PTPN2: variants seen among roughly 807,000 people sequenced by gnomAD.
The protein encoded by PTPN2 is protein tyrosine phosphatase non-receptor type 2.
PTPN2 carries 19 observed loss-of-function variants against 57.3 expected under a neutral mutation model. The observed-to-expected ratio is 0.33, with a 90% confidence interval of 0.23 to 0.49. PTPN2 has a LOEUF of 0.49. PTPN2 is among the 20% of genes least tolerant of loss of function. PTPN2 has a pLI of 0.99. For missense variants in PTPN2, 358 were observed against 501.1 expected (o/e 0.71, Z 2.73); for synonymous variants, 153 against 164.9 (o/e 0.93, Z 0.55).
chr18:12,818,181 A>G (rs965632199), intron 5 of PTPN2, among the ~76,000 whole-genome samples: 24 of 152,284 alleles, frequency 1.6e-4, no homozygotes, highest in African/African-American at 5.8e-4. Flanking sequence ...ATAATTTTAC[A>G]TTCTTTAACA....
At chr18:12,818,143 C>CA (rs539869233) in intron 5 of PTPN2, among the ~76,000 whole-genome samples, 27 of 148,224 alleles carry the variant, frequency 1.8e-4, no homozygotes, top group Non-Finnish European at 2.1e-4. Context: ...ACTCCATCTT[C>CA]AAAAAAAAAA....
At chr18:12,834,104 A>G (rs899467867) in intron 3 of PTPN2, among the ~76,000 whole-genome samples, 2 of 152,308 alleles carry the variant, frequency 1.3e-5, no homozygotes, top group African/African-American at 4.8e-5. Flanking sequence ...AGACAGGTGG[A>G]TCATCTGAGG....
chr18:12,859,094 C>G, intron 2 of PTPN2, 70 bp downstream of exon 2: 2 of 1,206,708 alleles, frequency 1.7e-6, no homozygotes, highest in South Asian at 2.6e-5. Flanking sequence ...CCAAGCCCTC[C>G]TTTTCACTAC....
At chr18:12,787,446 G>T (rs1001821501), downstream of PTPN2, 3 of 152,044 alleles carry the variant, frequency 2.0e-5, no homozygotes, top group African/African-American at 7.2e-5. Flanking sequence ...GTGTTACGTG[G>T]GTTAAATTTA....
intron 1 of PTPN2, among the ~76,000 whole-genome samples, chr18:12,870,666 GC>G (rs1465647131): frequency 2.0e-5 from 3 of 149,758 alleles, no homozygotes; most frequent in Non-Finnish European, 4.4e-5. Context: ...CCGCAACCAC[GC>G]CCGGCTACTT....
chr18:12,793,118 CAAGTTT>C lies in PTPN2; in HGVS notation c.*1154_*1159del. The C allele has an allele frequency of 1.0e-6, 1 of 984,864 alleles. No homozygotes were observed. 61.0% of individuals were successfully genotyped at this position (984,864 alleles called of 1,614,324 possible). A position where few individuals can be genotyped will look rare whatever the true frequency, so the allele number is the denominator to read the frequency against. ...GCAATTAAATTTGTAACAACAATTT[CAAGTTT>C]AAGTAAGACAAATTAAACACTGAAT... On this transcript the variant is annotated 3_prime_UTR_variant, in exon 9 of 9. Transcript: ENST00000309660.
Position 12,793,937 on chromosome 18 carries a change from A to C in PTPN2, c.*341T>G. The C allele has an allele frequency of 8.8e-7, 1 of 1,140,634 alleles. No homozygotes were observed. The allele number at this position is 1,140,634 out of a possible 1,614,324, so 70.7% of individuals were successfully genotyped here. On this transcript the variant is annotated 3_prime_UTR_variant, in exon 9 of 9. Transcript: ENST00000309660. ...TTATATCAAGTGCAGGTTAAAATCC[A>C]GATAGCCTCCAAAAACAAATCCTGT...
chr18:12,793,246 T>C lies in PTPN2; in HGVS notation c.*1032A>G, dbSNP rs1332698659. The C allele has an allele frequency of 6.1e-6, 6 of 975,844 alleles. No homozygotes were observed. Among genetic ancestry groups the C allele is most frequent in the East Asian group, 1.1e-4 (1 of 8,888 alleles). The allele number at this position is 975,844 out of a possible 1,614,324, so 60.4% of individuals were successfully genotyped here. On this transcript the variant is annotated 3_prime_UTR_variant, in exon 9 of 9. Transcript: ENST00000309660. ...AATATTCATTAAGTTAAAATGACAA[T>C]GTAAGGTTTGCATATAATCATACTA...
At chr18:12,809,068 G>A (rs1485117459) in intron 7 of PTPN2, among the ~76,000 whole-genome samples, 1 of 152,142 alleles carries the variant, frequency 6.6e-6, no homozygotes, top group Admixed American at 6.6e-5. Context: ...GTGTCTATCA[G>A]GTACGCTAGC....
chr18:12,832,309 G>A (rs1420662126), intron 3 of PTPN2, among the ~76,000 whole-genome samples: 3 of 151,980 alleles, frequency 2.0e-5, no homozygotes, highest in Non-Finnish European at 4.4e-5. Flanking sequence ...TAGAGACAGG[G>A]TTTCACCATG....
intron 3 of PTPN2, 39 bp from the exon 4 acceptor site, chr18:12,831,080 G>C (rs1477386722): frequency 1.4e-6 from 2 of 1,421,926 alleles, no homozygotes; most frequent in Non-Finnish European, 2.0e-6. Context: ...GAGGGAAGCA[G>C]ACAGAAAGAG....
At chr18:12,797,316 T>C (rs1475262698) in intron 8 of PTPN2, among the ~76,000 whole-genome samples, 1 of 152,128 alleles carries the variant, frequency 6.6e-6, no homozygotes, top group East Asian at 1.9e-4. Flanking sequence ...GCAATTATAA[T>C]TTGTATCTAG....
intron 2 of PTPN2, among the ~76,000 whole-genome samples, chr18:12,854,680 G>A (rs2043523560): frequency 6.6e-6 from 1 of 152,108 alleles, no homozygotes; most frequent in Admixed American, 6.5e-5. Context: ...GAGATTTGGG[G>A]TTATAAGCAG....
chr18:12,870,319 GTGTATATATATGTA>G (rs2044163098), intron 1 of PTPN2, among the ~76,000 whole-genome samples: 1 of 36,224 alleles, frequency 2.8e-5, no homozygotes, highest in Non-Finnish European at 5.0e-5. Context: ...ACATATATAT[GTGTATATATATGTA>G]TATATATACA....
chr18:12,816,286 C>A (rs1216865488), intron 6 of PTPN2, among the ~76,000 whole-genome samples: 1 of 152,082 alleles, frequency 6.6e-6, no homozygotes, highest in Non-Finnish European at 1.5e-5. Context: ...GGTGACAGGG[C>A]AAGACTCTGT....
intron 1 of PTPN2, among the ~76,000 whole-genome samples, chr18:12,883,394 A>T (rs1279603689): frequency 6.6e-6 from 1 of 152,192 alleles, no homozygotes; most frequent in Non-Finnish European, 1.5e-5. Context: ...ATGAAGACGG[A>T]GGGTCCCGAG....
intron 1 of PTPN2, among the ~76,000 whole-genome samples, chr18:12,881,667 C>T (rs1038152720): frequency 1.3e-5 from 2 of 152,162 alleles, no homozygotes; most frequent in Non-Finnish European, 2.9e-5. Context: ...CTCCCTTGTC[C>T]TCTTCCCCTG....
At chr18:12,871,606 C>CT (rs1343903929) in intron 1 of PTPN2, among the ~76,000 whole-genome samples, 10 of 151,466 alleles carry the variant, frequency 6.6e-5, no homozygotes, top group Admixed American at 1.3e-4. Context: ...AAACTTAAAC[C>CT]TTTTTTCTCT....
At chr18:12,810,961 CTTGT>C (rs1449433439) in intron 7 of PTPN2, among the ~76,000 whole-genome samples, 5 of 152,116 alleles carry the variant, frequency 3.3e-5, no homozygotes, top group South Asian at 2.1e-4. Context: ...TCTTTGTTCC[CTTGT>C]TTGTTTTGTT....
Sources: allele counts gnomAD v4.1 joint callset (sites outside exome capture counted in the v4.1 genomes callset), GRCh38; gene constraint gnomAD v4.1.1; transcripts MANE v1.5; gene names NCBI Gene and HGNC (gene_info 2026-07-23, HGNC 2026-07-21).